The following PAM variants were observed in gnomAD, a reference collection of about 807,000 sequenced individuals.
PAM encodes peptidylglycine alpha-amidating monooxygenase, also known as peptidyl-glycine alpha-amidating monooxygenase.
In PAM, 72 loss-of-function variants were observed where a neutral mutation model predicts 122.1. The observed-to-expected ratio is 0.59, with a 90% CI of 0.49 to 0.72. The LOEUF (loss-of-function observed/expected upper bound fraction) is 0.72. Among genes scored for constraint, PAM ranks in the 30% least tolerant of loss-of-function variants. The pLI is 0.00. For synonymous variants in PAM, 389 were observed against 404.4 expected (o/e 0.96, Z 0.46); for missense variants, 1,106 against 1,183.7 (o/e 0.93, Z 0.96).
chr5:102,926,239 C>T lies in PAM; in HGVS notation c.443-346C>T, dbSNP rs542737303. Among the ~76,000 whole-genome samples, 447 of 152,248 alleles carry T rather than the reference C, an allele frequency of 2.9e-3. 1 individual carries two copies. Among genetic ancestry groups the T allele is most frequent in the Non-Finnish European group, 3.9e-3 (266 of 68,016 alleles). On this transcript the variant is annotated intron_variant, in intron 6 of 25. Transcript: ENST00000438793. ...CCTCCCGAGTAGCTGGGACTACAGG[C>T]GCCCGCCACCGCGCCCGGCTAATGT...
chr5:102,846,511 G>A (rs1779986524), intron 1 of PAM, among the ~76,000 whole-genome samples: 1 of 152,122 alleles, frequency 6.6e-6, no homozygotes, highest in Admixed American at 6.5e-5. Flanking sequence ...ACACCTGGTG[G>A]TTAGCTCAGA....
At chr5:102,940,979 C>T (rs1755008709) in intron 7 of PAM, among the ~76,000 whole-genome samples, 1 of 152,092 alleles carries the variant, frequency 6.6e-6, no homozygotes, top group South Asian at 2.1e-4. Flanking sequence ...ATAACTTTAT[C>T]TAGGATTGGT....
chr5:102,949,609 A>C lies in PAM; in HGVS notation c.716A>C (p.His239Pro). The C allele has an allele frequency of 7.1e-7, 1 of 1,399,334 alleles. No homozygotes were observed. Among genetic ancestry groups the C allele is most frequent in the Non-Finnish European group, 1.0e-6 (1 of 985,016 alleles). The allele number at this position is 1,399,334 out of a possible 1,614,324, so 86.7% of individuals were successfully genotyped here. The change falls in exon 10 of 26, where the codon CAC becomes CCC. Residue 239 changes from histidine to proline, a missense_variant. His to Pro is a moderately conservative substitution (Grantham distance 77). Transcript: ENST00000438793. ...MHVFAYRVHT[H>P]HLGKVVSGYR... ...GTCTTTGCCTATAGAGTTCACACTC[A>C]CCATTTAGGTAAGAACTTTACATGT...
At chr5:102,988,830 A>C (rs1440540587) in intron 15 of PAM, among the ~76,000 whole-genome samples, 1 of 152,222 alleles carries the variant, frequency 6.6e-6, no homozygotes, top group East Asian at 1.9e-4. Flanking sequence ...AAAAATGTAC[A>C]AAGTTTAAAA....
intron 15 of PAM, among the ~76,000 whole-genome samples, chr5:102,980,006 AAAAC>A (rs1769229825): frequency 6.6e-6 from 1 of 152,088 alleles, no homozygotes; most frequent in Non-Finnish European, 1.5e-5. Flanking sequence ...TTTAGAAACA[AAAAC>A]AAATTTGTAT....
At chr5:102,988,398 G>C (rs956835861) in intron 15 of PAM, among the ~76,000 whole-genome samples, 1 of 152,104 alleles carries the variant, frequency 6.6e-6, no homozygotes, top group Non-Finnish European at 1.5e-5. Context: ...TGTGTCATAA[G>C]TATTGGGTTC....
At position 102,813,996 on chromosome 5, in the gene PAM, T is replaced by C. The variant is rs115219068; in HGVS notation, c.-373-51827T>C. ...CATACCTGTTGCTTACTGTTTGTCA[T>C]AGATGATTTTACAAAAACTAAGGAG... On this transcript the variant is annotated intron_variant, in intron 1 of 25. Coordinates refer to ENST00000438793, the MANE Select transcript of PAM (RefSeq NM_001177306.2). Among the ~76,000 whole-genome samples the C allele has an allele frequency of 9.4e-3, 1,430 of 152,302 alleles. 10 individuals are homozygous for C. The highest frequency in any genetic ancestry group is 0.034 in the Middle Eastern group (10 of 292).
At chr5:102,780,920 G>A (rs567623721) in intron 1 of PAM, among the ~76,000 whole-genome samples, 7 of 150,414 alleles carry the variant, frequency 4.7e-5, no homozygotes, top group Non-Finnish European at 8.8e-5. Context: ...GGGCTGTCCT[G>A]TGCATTGGAG....
intron 7 of PAM, among the ~76,000 whole-genome samples, chr5:102,946,194 C>T (rs1035184174): frequency 4.6e-5 from 7 of 152,082 alleles, no homozygotes; most frequent in African/African-American, 1.7e-4. Context: ...AGCTGTTGAT[C>T]CAGGACCCCT....
intron 7 of PAM, among the ~76,000 whole-genome samples, chr5:102,934,749 C>A (rs561523801): frequency 6.6e-6 from 1 of 152,250 alleles, no homozygotes; most frequent in African/African-American, 2.4e-5. Flanking sequence ...TATGTAGATA[C>A]ACTAATGTTT....
intron 1 of PAM, among the ~76,000 whole-genome samples, chr5:102,804,049 GAGAT>G (rs1270389436): frequency 6.6e-6 from 1 of 152,152 alleles, no homozygotes; most frequent in Non-Finnish European, 1.5e-5. Context: ...GGGGGATGGG[GAGAT>G]AGATGTGGAA....
At chr5:102,899,652 T>A (rs1236219257) in intron 3 of PAM, among the ~76,000 whole-genome samples, 8 of 151,742 alleles carry the variant, frequency 5.3e-5, no homozygotes, top group Admixed American at 5.3e-4. Context: ...AGTGCATATA[T>A]TCAGATCCCA....
In PAM at chr5:102,908,291, G is replaced by A. The variant is rs550017625; in HGVS notation, c.269-5643G>A. ...AAAGATCAGATAGTTGTAGATATGC[G>A]GCGTTATTTCTGAGGGCTCTGTTCT... On this transcript the variant is annotated intron_variant, in intron 4 of 25. Transcript: ENST00000438793. 8.0e-3 allele frequency among the ~76,000 whole-genome samples: 1,222 copies of A among 151,840 alleles called. 22 individuals carry two copies. Among genetic ancestry groups the A allele is most frequent in the African/African-American group, 0.028 (1,141 of 41,430 alleles).
rs1785978954 is a variant in PAM, at chr5:103,029,712, C to T, written c.*647C>T. 1.2e-5 allele frequency: 1 copy of T among 81,468 alleles called. No individual in the cohort carries two copies. Among genetic ancestry groups the T allele is most frequent in the Non-Finnish European group, 2.3e-5 (1 of 43,226 alleles). 5.0% of individuals were successfully genotyped at this position (81,468 alleles called of 1,614,324 possible). On this transcript the variant is annotated 3_prime_UTR_variant, in exon 26 of 26. Coordinates refer to ENST00000438793, the MANE Select transcript of PAM (RefSeq NM_001177306.2). ...TTTGTGTAATAAAGTGTTTTCAGAGCATTAGCTGTCAGTGTATTTTCCAGT... is the reference window on the plus strand; with the variant it reads ...TTTGTGTAATAAAGTGTTTTCAGAGTATTAGCTGTCAGTGTATTTTCCAGT...
At chr5:102,763,581 TATATA>T (rs1317325187) in intron 1 of PAM, among the ~76,000 whole-genome samples, 1 of 152,200 alleles carries the variant, frequency 6.6e-6, no homozygotes, top group Non-Finnish European at 1.5e-5. Flanking sequence ...TTTGTGGGCT[TATATA>T]ATAGGAACCT....
chr5:102,987,895 A>AT (rs1400538603), intron 15 of PAM, among the ~76,000 whole-genome samples: 1 of 152,142 alleles, frequency 6.6e-6, no homozygotes, highest in Non-Finnish European at 1.5e-5. Flanking sequence ...TGACAATGAC[A>AT]TTTTCATATG....
At chr5:102,954,517 A>G (rs143298618) in intron 12 of PAM, among the ~76,000 whole-genome samples, 2,387 of 151,646 alleles carry the variant, frequency 0.016, 68 homozygotes, top group African/African-American at 0.055. Context: ...AAAATGTTTT[A>G]CCCATATATT....
intron 1 of PAM, among the ~76,000 whole-genome samples, chr5:102,821,785 C>CAGT (rs1289991280): frequency 6.6e-6 from 1 of 152,124 alleles, no homozygotes; most frequent in Admixed American, 6.5e-5. Flanking sequence ...GATTACCGCA[C>CAGT]AGTAGATCCC....
intron 3 of PAM, among the ~76,000 whole-genome samples, chr5:102,872,374 TTGAAA>T (rs1166669280): frequency 6.6e-6 from 1 of 152,210 alleles, no homozygotes; most frequent in African/African-American, 2.4e-5. Flanking sequence ...AATGTTGTCG[TTGAAA>T]TGAAACCAGA....
Sources: gnomAD v4.1 joint callset for allele counts (sites outside exome capture counted in the v4.1 genomes callset) on GRCh38, gnomAD v4.1.1 for gene constraint, MANE v1.5 for transcripts, NCBI Gene and HGNC (gene_info 2026-07-23, HGNC 2026-07-21) for gene names.